CCDC7: variants seen among roughly 807,000 people sequenced by gnomAD.
CCDC7 encodes the protein coiled-coil domain containing 7, also known as coiled-coil domain-containing protein 7.
CCDC7 carries 183 observed loss-of-function variants against 196.9 expected under a neutral mutation model. That is an observed-to-expected ratio of 0.93 (90% CI 0.82 to 1.05). CCDC7 has a LOEUF of 1.05. Ranked by LOEUF, CCDC7 falls within the 50% of genes least tolerant of loss-of-function variation. The probability of loss-of-function intolerance (pLI) is 0.00; values close to 1 mark genes in which losing one functional copy is unlikely to be tolerated. For missense variants in CCDC7, 1,540 were observed against 1,482.2 expected (o/e 1.04, Z -0.64); for synonymous variants, 525 against 484.6 (o/e 1.08, Z -1.10).
Position 32,729,134 on chromosome 10 carries a change from G to T in CCDC7, c.2779+137G>T, listed in dbSNP as rs371515012. 732 of 816,650 alleles carry T rather than the reference G, an allele frequency of 9.0e-4. 2 individuals carry two copies. The highest frequency in any genetic ancestry group is 1.2e-3 in the Non-Finnish European group (647 of 531,484). The allele number at this position is 816,650 out of a possible 1,614,324, so 50.6% of individuals were successfully genotyped here. A position where few individuals can be genotyped will look rare whatever the true frequency, so the allele number is the denominator to read the frequency against. The stretch of plus-strand genomic sequence containing the variant: ...TTGACCTAAAGTGTGAATACCCTAT[G>T]ATAACTAGAGAACAAAAGTAATGAT... On this transcript the variant is annotated intron_variant, in intron 27 of 41. Transcript: ENST00000639629.
intron 11 of CCDC7, among the ~76,000 whole-genome samples, chr10:32,536,915 T>A (rs543216062): frequency 3.9e-5 from 6 of 152,198 alleles, no homozygotes; most frequent in Non-Finnish European, 8.8e-5. Flanking sequence ...GGCATTTAGG[T>A]TGACTCCCTG....
At chr10:32,724,819 GC>G (rs2082891482) in intron 25 of CCDC7, among the ~76,000 whole-genome samples, 2 of 152,090 alleles carry the variant, frequency 1.3e-5, no homozygotes, top group Non-Finnish European at 2.9e-5. Context: ...ATGAGTAAGA[GC>G]ATGGTTGGCC....
chr10:32,613,998 C>T (rs2062479173), intron 18 of CCDC7, among the ~76,000 whole-genome samples: 1 of 152,082 alleles, frequency 6.6e-6, no homozygotes, highest in African/African-American at 2.4e-5. Flanking sequence ...CTAATATTGA[C>T]AGTAGGGTGT....
intron 24 of CCDC7, among the ~76,000 whole-genome samples, chr10:32,706,028 A>G (rs2079679213): frequency 6.6e-6 from 1 of 152,102 alleles, no homozygotes; most frequent in African/African-American, 2.4e-5. Context: ...TCTTCTCAGC[A>G]CCACATCGCA....
intron 32 of CCDC7, among the ~76,000 whole-genome samples, chr10:32,831,544 A>C (rs933459083): frequency 6.6e-6 from 1 of 152,184 alleles, no homozygotes; most frequent in African/African-American, 2.4e-5. Context: ...TTGTACAAAA[A>C]TATTTTCTTT....
chr10:32,869,254 C>T (rs371483840), intron 41 of CCDC7, among the ~76,000 whole-genome samples: 15 of 152,202 alleles, frequency 9.9e-5, no homozygotes, highest in South Asian at 6.2e-4. Context: ...TTTCAATGAT[C>T]GCCATTCTAA....
At chr10:32,683,959 GTC>G (rs2076169112) in intron 21 of CCDC7, among the ~76,000 whole-genome samples, 2 of 152,188 alleles carry the variant, frequency 1.3e-5, no homozygotes, top group South Asian at 4.1e-4. Flanking sequence ...GCTCTATACT[GTC>G]TCTCTATCCT....
At chr10:32,765,617 A>G (rs886599987) in intron 28 of CCDC7, among the ~76,000 whole-genome samples, 8 of 152,046 alleles carry the variant, frequency 5.3e-5, no homozygotes, top group African/African-American at 1.7e-4. Flanking sequence ...TTACATTCTC[A>G]GAGAGATTTG....
At chr10:32,748,545 T>C (rs569616277) in intron 28 of CCDC7, among the ~76,000 whole-genome samples, 1 of 152,280 alleles carries the variant, frequency 6.6e-6, no homozygotes, top group East Asian at 1.9e-4. Flanking sequence ...CCAGACATGA[T>C]ATACTAGGAA....
chr10:32,667,064 C>T (rs1374915042), intron 21 of CCDC7, among the ~76,000 whole-genome samples: 1 of 152,154 alleles, frequency 6.6e-6, no homozygotes, highest in Non-Finnish European at 1.5e-5. Flanking sequence ...TAATGATCAC[C>T]ATTCTAACTG....
At chr10:32,579,874 A>G (rs1022257792) in intron 16 of CCDC7, among the ~76,000 whole-genome samples, 4 of 152,140 alleles carry the variant, frequency 2.6e-5, no homozygotes, top group Admixed American at 2.6e-4. Flanking sequence ...CAATGGGGTT[A>G]TTTCCCACTT....
chr10:32,726,715 T>G lies in CCDC7; in HGVS notation c.2570-19T>G. The G allele has an allele frequency of 7.1e-7, 1 of 1,398,928 alleles. No homozygotes were observed. Among genetic ancestry groups the G allele is most frequent in the Non-Finnish European group, 1.0e-6 (1 of 991,424 alleles). The allele number at this position is 1,398,928 out of a possible 1,614,324, so 86.7% of individuals were successfully genotyped here. ...ATTTAGCGGACTAAATGTATCTCTT[T>G]ATGTGGTTCATTTTGTAGTACCAGA... On this transcript the variant is annotated intron_variant, in intron 25 of 41. Transcript: ENST00000639629.
chr10:32,610,057 A>T (rs1462100201), intron 18 of CCDC7, among the ~76,000 whole-genome samples: 3 of 130,994 alleles, frequency 2.3e-5, no homozygotes, highest in African/African-American at 1.1e-4. Flanking sequence ...TGTGTGTGTG[A>T]TTTGTAAACT....
chr10:32,447,474 C>G (rs1203679294), upstream of CCDC7, among the ~76,000 whole-genome samples: 1 of 152,074 alleles, frequency 6.6e-6, no homozygotes, highest in African/African-American at 2.4e-5. Context: ...GATGGAGTTT[C>G]TTTGGCAATG....
chr10:32,583,296 G>A (rs1192111419), exon 17 of CCDC7: 1 of 1,230,768 alleles, frequency 8.1e-7, no homozygotes, highest in Non-Finnish European at 1.0e-6. Context: ...TGTTCTTACA[G>A]AAAGTAAAAA....
chr10:32,872,040 A>T (rs1280604226), intron 41 of CCDC7, among the ~76,000 whole-genome samples: 1 of 152,078 alleles, frequency 6.6e-6, no homozygotes, highest in Non-Finnish European at 1.5e-5. Flanking sequence ...CAATTTTGGA[A>T]TAGGTGTGGT....
intron 41 of CCDC7, among the ~76,000 whole-genome samples, 191 bp from the exon 43 acceptor site, chr10:32,876,156 C>G (rs2488304): frequency 0.92 from 139,127 of 151,972 alleles, 64,881 homozygotes; most frequent in East Asian, 1. Context: ...TATTTATACT[C>G]CTCTAAGTTG....
At chr10:32,816,949 G>A (rs2088772939) in intron 31 of CCDC7, among the ~76,000 whole-genome samples, 1 of 152,212 alleles carries the variant, frequency 6.6e-6, no homozygotes, top group South Asian at 2.1e-4. Flanking sequence ...CCAAAGGAAA[G>A]CAGCTCCTCA....
chr10:32,850,982 A>C (rs1239409756), intron 39 of CCDC7, among the ~76,000 whole-genome samples: 1 of 152,198 alleles, frequency 6.6e-6, no homozygotes, highest in Non-Finnish European at 1.5e-5. Flanking sequence ...CAGTAAAAAC[A>C]TACATGAAAA....
Sources: gnomAD v4.1 joint callset for allele counts (sites outside exome capture counted in the v4.1 genomes callset) on GRCh38, gnomAD v4.1.1 for gene constraint, MANE v1.5 for transcripts, NCBI Gene and HGNC (gene_info 2026-07-23, HGNC 2026-07-21) for gene names.